NCOA2: variants seen among roughly 807,000 people sequenced by gnomAD.
NCOA2 encodes nuclear receptor coactivator 2.
Under a neutral mutation model 145.1 loss-of-function variants are expected in NCOA2, and 21 were observed. The observed-to-expected ratio is 0.14, with a 90% CI of 0.10 to 0.21. NCOA2 has a LOEUF of 0.21. Ranked by LOEUF, NCOA2 falls within the 10% of genes least tolerant of loss-of-function variation. The pLI is 1.00. For missense variants in NCOA2, 1,472 were observed against 1,837.6 expected, an observed-to-expected ratio of 0.80 and a Z score of 3.64; for synonymous variants, 619 against 637.5, an observed-to-expected ratio of 0.97 and a Z score of 0.44.
the NCOA2 span, among the ~76,000 whole-genome samples, chr8:70,440,338 G>A: frequency 7.2e-5 from 11 of 152,230 alleles, no homozygotes; most frequent in South Asian, 6.2e-4. Flanking sequence ...GGTGGCTCAC[G>A]CCTGGAATCC....
At chr8:70,278,975 A>C (rs1825677868) in intron 2 of NCOA2, among the ~76,000 whole-genome samples, 1 of 120,666 alleles carries the variant, frequency 8.3e-6, no homozygotes, top group Non-Finnish European at 1.7e-5. Flanking sequence ...TCCCCCAACC[A>C]AAAAAAAAAA....
At chr8:70,170,676 T>C (rs1224370631) in intron 5 of NCOA2, among the ~76,000 whole-genome samples, 1 of 152,194 alleles carries the variant, frequency 6.6e-6, no homozygotes, top group Non-Finnish European at 1.5e-5. Flanking sequence ...GAAGTAAAAG[T>C]GTACAGACAT....
At chr8:70,394,667 A>G (rs1423827829) in intron 1 of NCOA2, among the ~76,000 whole-genome samples, 1 of 152,212 alleles carries the variant, frequency 6.6e-6, no homozygotes, top group Non-Finnish European at 1.5e-5. Flanking sequence ...AGTTTTCACC[A>G]ATCTTAAATT....
At chr8:70,166,300 C>T (rs1813610318) in intron 7 of NCOA2, among the ~76,000 whole-genome samples, 1 of 152,244 alleles carries the variant, frequency 6.6e-6, no homozygotes, top group Non-Finnish European at 1.5e-5. Flanking sequence ...AGCTGCACTA[C>T]TGACATTTCA....
chr8:70,138,151 A>T, intron 15 of NCOA2, 52 bp downstream of exon 15: 7 of 1,565,968 alleles, frequency 4.5e-6, no homozygotes, highest in Non-Finnish European at 6.0e-6. Flanking sequence ...GGAAAAGATT[A>T]ATTTCTGGAC....
At chr8:70,413,196 T>C in the NCOA2 span, among the ~76,000 whole-genome samples, 2 of 152,122 alleles carry the variant, frequency 1.3e-5, no homozygotes, top group South Asian at 4.1e-4. Flanking sequence ...TTTGTGTGTG[T>C]GTCTTTCTTT....
At chr8:70,219,248 T>C (rs1819923412) in intron 2 of NCOA2, among the ~76,000 whole-genome samples, 1 of 152,202 alleles carries the variant, frequency 6.6e-6, no homozygotes, top group Non-Finnish European at 1.5e-5. Flanking sequence ...ACTCTATTTG[T>C]AGACTGAAAA....
upstream of NCOA2, among the ~76,000 whole-genome samples, chr8:70,404,011 G>A (rs1050185839): frequency 2.6e-5 from 4 of 152,140 alleles, no homozygotes; most frequent in African/African-American, 4.8e-5. Context: ...GGAAAAGGAC[G>A]GGGCGGAAAC....
rs1468639157 is a variant in NCOA2 at position 70,110,941 on chromosome 8, A to G, written c.*2691T>C. The G allele has an allele frequency of 4.5e-6, 1 of 222,118 alleles. No individual in the cohort carries two copies. Among genetic ancestry groups the G allele is most frequent in the Non-Finnish European group, 9.0e-6 (1 of 111,066 alleles). 13.8% of individuals were successfully genotyped at this position (222,118 alleles called of 1,614,324 possible). On this transcript the variant is annotated 3_prime_UTR_variant, in exon 23 of 23. Coordinates refer to ENST00000452400, the MANE Select transcript of NCOA2 (RefSeq NM_006540.4). Reference sequence around the variant, plus strand: ...CACTGATTATTTGTTCTATTAAACAAAAACCAAGTACTCAGTCTAACAAAT... The same window carrying G: ...CACTGATTATTTGTTCTATTAAACAGAAACCAAGTACTCAGTCTAACAAAT...
chr8:70,429,808 C>T, the NCOA2 span, among the ~76,000 whole-genome samples: 3 of 152,114 alleles, frequency 2.0e-5, no homozygotes, highest in Non-Finnish European at 4.4e-5. Context: ...GGCTTTAATA[C>T]ATGTTTTATT....
At chr8:70,328,268 T>C (rs915877746) in intron 1 of NCOA2, among the ~76,000 whole-genome samples, 1 of 152,216 alleles carries the variant, frequency 6.6e-6, no homozygotes, top group African/African-American at 2.4e-5. Flanking sequence ...CTAAGTCTTA[T>C]AGATTATATG....
chr8:70,149,961 C>T (rs1290815792), intron 11 of NCOA2, among the ~76,000 whole-genome samples: 1 of 152,176 alleles, frequency 6.6e-6, no homozygotes, highest in Non-Finnish European at 1.5e-5. Context: ...ATCCGACATA[C>T]AATTCCTCCC....
the NCOA2 span, among the ~76,000 whole-genome samples, chr8:70,449,855 G>T: frequency 6.6e-6 from 1 of 152,072 alleles, no homozygotes; most frequent in Non-Finnish European, 1.5e-5. Flanking sequence ...TCAACCTTTA[G>T]CAATAAAAGT....
chr8:70,373,070 G>A (rs1272282927), intron 1 of NCOA2, among the ~76,000 whole-genome samples: 2 of 152,090 alleles, frequency 1.3e-5, no homozygotes, highest in African/African-American at 4.8e-5. Flanking sequence ...AAGCTACTAG[G>A]AACATTCATG....
chr8:70,178,734 A>C (rs1485060124), intron 4 of NCOA2, among the ~76,000 whole-genome samples: 1 of 152,212 alleles, frequency 6.6e-6, no homozygotes, highest in Non-Finnish European at 1.5e-5. Context: ...ACATAGCTGA[A>C]AGTATTTCAC....
chr8:70,189,550 G>C (rs570450655), intron 4 of NCOA2, among the ~76,000 whole-genome samples: 1 of 152,292 alleles, frequency 6.6e-6, no homozygotes, highest in African/African-American at 2.4e-5. Flanking sequence ...CAAGTGGGCT[G>C]AACAGGCTGT....
chr8:70,324,339 T>C (rs190885802), intron 1 of NCOA2, among the ~76,000 whole-genome samples: 6 of 152,240 alleles, frequency 3.9e-5, no homozygotes, highest in Admixed American at 2.0e-4. Context: ...TCTTTGTTTT[T>C]TTTAGGTTTA....
chr8:70,264,206 ACT>A (rs780092115), intron 2 of NCOA2, among the ~76,000 whole-genome samples: 16 of 149,966 alleles, frequency 1.1e-4, no homozygotes, highest in Non-Finnish European at 2.2e-4. Context: ...CAAGAGTGAA[ACT>A]CTGTCTCAAA....
At chr8:70,267,392 GTT>G (rs34028372) in intron 2 of NCOA2, among the ~76,000 whole-genome samples, 6,636 of 102,554 alleles carry the variant, frequency 0.065, 302 homozygotes, top group African/African-American at 0.17. Flanking sequence ...TTTCCTTTCT[GTT>G]TTTTTTTTTT....
Sources: allele counts gnomAD v4.1 joint callset (sites outside exome capture counted in the v4.1 genomes callset), GRCh38; gene constraint gnomAD v4.1.1; transcripts MANE v1.5; gene names NCBI Gene and HGNC (gene_info 2026-07-23, HGNC 2026-07-21).